ARHGAP40: variants seen among roughly 807,000 people sequenced by gnomAD.
ARHGAP40 encodes rho GTPase-activating protein 40.
In ARHGAP40, 43 loss-of-function variants were observed where a neutral mutation model predicts 73.5. The observed-to-expected ratio is 0.58, with a 90% CI of 0.46 to 0.75. ARHGAP40 has a LOEUF of 0.75. ARHGAP40 is among the 30% of genes least tolerant of loss of function. ARHGAP40 has a pLI of 0.00. For missense variants in ARHGAP40, 734 were observed against 861.8 expected (o/e 0.85, Z 1.86); for synonymous variants, 300 against 352.8 (o/e 0.85, Z 1.68).
At chr20:38,647,468 G>A (rs1412703524) in intron 13 of ARHGAP40, among the ~76,000 whole-genome samples, 1 of 152,144 alleles carries the variant, frequency 6.6e-6, no homozygotes, top group African/African-American at 2.4e-5. Flanking sequence ...TTGGCTCACT[G>A]CAACCTCCTT....
intron 2 of ARHGAP40, among the ~76,000 whole-genome samples, chr20:38,623,787 C>A (rs1031855944): frequency 2.0e-5 from 3 of 152,288 alleles, no homozygotes; most frequent in African/African-American, 7.2e-5. Context: ...GATTATGTCC[C>A]TCCTTAGAGT....
At chr20:38,647,238 C>A in intron 13 of ARHGAP40, 112 bp downstream of exon 13, 1 of 995,526 alleles carries the variant, frequency 1.0e-6, no homozygotes, top group South Asian at 1.7e-5. Flanking sequence ...CCTGGCCTTC[C>A]CTTTCTGGGG....
At chr20:38,650,436 C>T in exon 15 of ARHGAP40, 1 of 468,486 alleles carries the variant, frequency 2.1e-6, no homozygotes. Context: ...AAGCCCCTTG[C>T]CCTCTCAGAA....
At chr20:38,622,389 T>C (rs559800297) in intron 1 of ARHGAP40, among the ~76,000 whole-genome samples, 39 of 152,254 alleles carry the variant, frequency 2.6e-4, no homozygotes, top group Non-Finnish European at 5.3e-4. Context: ...AGTCTAGTAT[T>C]TTTGCCATTA....
intron 1 of ARHGAP40, among the ~76,000 whole-genome samples, chr20:38,618,179 A>G (rs2088853738): frequency 6.6e-6 from 1 of 151,136 alleles, no homozygotes; most frequent in Non-Finnish European, 1.5e-5. Flanking sequence ...GGTTCACTGT[A>G]ATCTCTGCCT....
At chr20:38,614,675 G>T (rs1039655925) in intron 1 of ARHGAP40, among the ~76,000 whole-genome samples, 2 of 152,204 alleles carry the variant, frequency 1.3e-5, no homozygotes, top group African/African-American at 2.4e-5. Flanking sequence ...CTCAAAAGAG[G>T]GGGCAGAGAA....
At chr20:38,613,943 G>A (rs2088818464) in intron 1 of ARHGAP40, among the ~76,000 whole-genome samples, 1 of 152,196 alleles carries the variant, frequency 6.6e-6, no homozygotes, top group Non-Finnish European at 1.5e-5. Context: ...TTGTCTTAAT[G>A]GGAAAGTTGT....
chr20:38,601,905 A>G (rs771682515), exon 1 of ARHGAP40: 1 of 1,287,022 alleles, frequency 7.8e-7, no homozygotes, highest in South Asian at 1.2e-5. Flanking sequence ...CCACGGCGGC[A>G]GCACCACGAC....
intron 1 of ARHGAP40, among the ~76,000 whole-genome samples, chr20:38,613,963 G>A (rs2088818615): frequency 6.6e-6 from 1 of 152,144 alleles, no homozygotes; most frequent in South Asian, 2.1e-4. Context: ...TAGCCATAGA[G>A]GGATTTTAGG....
In ARHGAP40 at chr20:38,646,937, T is replaced by TTC. The variant is rs745413373; in HGVS notation, c.1711-6_1711-5dup. On this transcript the variant is annotated intron_variant, in intron 12 of 14. Coordinates refer to ENST00000373345, the Ensembl canonical transcript of ARHGAP40. This position sits in a 1 kb window ranked among gnomAD's most constrained non-coding sequence, Gnocchi z 4.5. ...AGCTGACTCTTATGTATATGGATCT[T>TTC]TCTCTCTCTCTCTCTGCAGACTCCC... 116 of 1,263,556 alleles carry TTC rather than the reference T, an allele frequency of 9.2e-5. No homozygotes were observed. The South Asian group carries it at 9.3e-4, about 10-fold the overall frequency. The allele number at this position is 1,263,556 out of a possible 1,614,324, so 78.3% of individuals were successfully genotyped here. A position where few individuals can be genotyped will look rare whatever the true frequency, so the allele number is the denominator to read the frequency against.
exon 3 of ARHGAP40, chr20:38,627,123 C>T (rs893127465): frequency 7.7e-6 from 10 of 1,305,302 alleles, no homozygotes; most frequent in South Asian, 4.9e-5. Context: ...CGCTGTGTGC[C>T]GCCGGCTGGA....
At chr20:38,644,265 G>C (rs2089038321) in intron 11 of ARHGAP40, among the ~76,000 whole-genome samples, 1 of 152,100 alleles carries the variant, frequency 6.6e-6, no homozygotes, top group African/African-American at 2.4e-5. Flanking sequence ...CTAAGACAGA[G>C]CCCAGAACCA....
intron 6 of ARHGAP40, among the ~76,000 whole-genome samples, 182 bp downstream of exon 6, chr20:38,634,967 C>A (rs144262104): frequency 6.6e-6 from 1 of 151,926 alleles, no homozygotes; most frequent in African/African-American, 2.4e-5. Flanking sequence ...CTGCAACCTC[C>A]GCCTCCCGGG....
chr20:38,628,894 T>G (rs976921691), intron 3 of ARHGAP40, 33 bp from the exon 4 acceptor site: 4 of 1,287,480 alleles, frequency 3.1e-6, no homozygotes, highest in Non-Finnish European at 4.1e-6. Flanking sequence ...GCTTCCCACA[T>G]GAGTAATTGG....
At chr20:38,615,054 TG>T in intron 1 of ARHGAP40, 3 of 960,782 alleles carry the variant, frequency 3.1e-6, no homozygotes, top group Admixed American at 1.7e-5. Flanking sequence ...ATGTGCCTCC[TG>T]TTGCCTCACA....
intron 1 of ARHGAP40, among the ~76,000 whole-genome samples, chr20:38,606,966 T>A (rs1432602490): frequency 6.6e-6 from 1 of 152,206 alleles, no homozygotes; most frequent in African/African-American, 2.4e-5. Flanking sequence ...TACTTAACCT[T>A]TCTGAGCCTT....
intron 1 of ARHGAP40, among the ~76,000 whole-genome samples, chr20:38,620,855 C>A (rs182731930): frequency 1.3e-5 from 2 of 152,308 alleles, no homozygotes; most frequent in Admixed American, 6.5e-5. Flanking sequence ...CGGAGTTGAG[C>A]TCTGTGTGGG....
chr20:38,645,786 C>A (rs1009049839), intron 11 of ARHGAP40, among the ~76,000 whole-genome samples: 1 of 152,202 alleles, frequency 6.6e-6, no homozygotes, highest in African/African-American at 2.4e-5. Context: ...CCTCCAGCTT[C>A]TGTCGAGGGG....
intron 6 of ARHGAP40, among the ~76,000 whole-genome samples, chr20:38,635,301 C>A (rs930236597): frequency 4.6e-5 from 7 of 152,076 alleles, no homozygotes; most frequent in African/African-American, 1.4e-4. Context: ...AAATATAATT[C>A]AGAAAAGCAC....
Sources: allele counts gnomAD v4.1 joint callset (sites outside exome capture counted in the v4.1 genomes callset), GRCh38; gene constraint gnomAD v4.1.1; non-coding constraint Gnocchi (gnomAD v3.1); transcripts MANE v1.5; gene names NCBI Gene and HGNC (gene_info 2026-07-23, HGNC 2026-07-21).